STON2: variants seen among roughly 807,000 people sequenced by gnomAD.
The protein encoded by STON2 is stonin 2.
In STON2, 29 loss-of-function variants were observed where a neutral mutation model predicts 65.7. That is an observed-to-expected ratio of 0.44 (90% CI 0.33 to 0.60). The LOEUF is 0.60. STON2 is among the 20% of genes least tolerant of loss of function. STON2 has a pLI of 0.03. For synonymous variants in STON2, 404 were observed against 414.2 expected (o/e 0.98, Z 0.30); for missense variants, 1,054 against 1,118.1 (o/e 0.94, Z 0.82).
At chr14:81,347,154 A>G (rs948280623) in intron 4 of STON2, among the ~76,000 whole-genome samples, 9 of 152,082 alleles carry the variant, frequency 5.9e-5, no homozygotes, top group African/African-American at 2.2e-4. Flanking sequence ...TTGAAAAGAT[A>G]AAGAAAATTG....
At chr14:81,410,314 A>G (rs1901094630) in intron 2 of STON2, among the ~76,000 whole-genome samples, 1 of 147,630 alleles carries the variant, frequency 6.8e-6, no homozygotes, top group Non-Finnish European at 1.5e-5. Flanking sequence ...AAAACAGAAG[A>G]GATCAATGTG....
rs567933044 is a variant in STON2, at chr14:81,418,441, C to T, written c.-199+8661G>A. Among the ~76,000 whole-genome samples the T allele has an allele frequency of 2.1e-3, 326 of 152,156 alleles. 3 individuals are homozygous for T. Among genetic ancestry groups the T allele is most frequent in the African/African-American group, 7.5e-3 (311 of 41,502 alleles). On this transcript the variant is annotated intron_variant, in intron 2 of 8. Transcript: ENST00000553821. ...GACACAGCCAAACTGTATCAGAAAGCGACAAGCATTTGTAGAATAAAGTAG... is the reference window on the plus strand; with the variant it reads ...GACACAGCCAAACTGTATCAGAAAGTGACAAGCATTTGTAGAATAAAGTAG...
chr14:81,268,285 G>T lies in STON2; in HGVS notation c.*129C>A, dbSNP rs1031062594. The T allele has an allele frequency of 2.5e-6, 3 of 1,213,008 alleles. No homozygotes were observed. Among genetic ancestry groups the T allele is most frequent in the African/African-American group, 3.2e-5 (2 of 63,188 alleles). 75.1% of individuals were successfully genotyped at this position (1,213,008 alleles called of 1,614,324 possible). ...TGCAAACAGGAAGATCTGGTATACT[G>T]TTCCCAACATGCAGTGGCCACAGCA... On this transcript the variant is annotated 3_prime_UTR_variant, in exon 8 of 8. Coordinates refer to ENST00000614646, the MANE Select transcript of STON2 (RefSeq NM_001394390.1).
intron 5 of STON2, among the ~76,000 whole-genome samples, chr14:81,308,812 A>ATGTGTGTGTGTGTGTGTG (rs1896296652): frequency 2.1e-4 from 2 of 9,722 alleles, no homozygotes; most frequent in African/African-American, 8.6e-4. Flanking sequence ...ATATATATAT[A>ATGTGTGTGTGTGTGTGTG]TATATATATA....
intron 4 of STON2, among the ~76,000 whole-genome samples, chr14:81,369,059 T>C (rs1898868859): frequency 3.3e-5 from 5 of 152,130 alleles, no homozygotes; most frequent in African/African-American, 1.2e-4. Context: ...ATTTGGGAAT[T>C]TATTCCTCCC....
At chr14:81,354,138 AGGGAATGCACCCT>A (rs1365585528) in intron 4 of STON2, among the ~76,000 whole-genome samples, 1 of 152,222 alleles carries the variant, frequency 6.6e-6, no homozygotes, top group Non-Finnish European at 1.5e-5. Flanking sequence ...TCACCTGGCC[AGGGAATGCACCCT>A]GTGGCCTGGC....
chr14:81,276,381 C>A (rs184278682), intron 6 of STON2, among the ~76,000 whole-genome samples: 1 of 135,750 alleles, frequency 7.4e-6, no homozygotes, highest in Non-Finnish European at 1.7e-5. Flanking sequence ...TCTTTCCCAT[C>A]CCCCAGTCCC....
chr14:81,381,211 A>T (rs1280674692), intron 3 of STON2, among the ~76,000 whole-genome samples: 1 of 152,230 alleles, frequency 6.6e-6, no homozygotes, highest in Non-Finnish European at 1.5e-5. Flanking sequence ...TTGAATGTCA[A>T]AGTGTGAAGG....
chr14:81,370,844 G>A, intron 4 of STON2, 144 bp downstream of exon 4: 1 of 715,818 alleles, frequency 1.4e-6, no homozygotes, highest in Non-Finnish European at 2.3e-6. Context: ...GCCACTTTGG[G>A]TTCTAGCTTT....
chr14:81,270,383 C>T (rs61126178), intron 7 of STON2: 135,266 of 1,371,608 alleles, frequency 0.099, 7,010 homozygotes, highest in African/African-American at 0.11. Flanking sequence ...CTGTGCCTGG[C>T]CCCCATTATT....
intron 5 of STON2, among the ~76,000 whole-genome samples, chr14:81,287,972 G>A (rs973807196): frequency 3.3e-5 from 5 of 152,122 alleles, no homozygotes; most frequent in South Asian, 4.1e-4. Context: ...GGTCTGATAC[G>A]GCAAACACCA....
chr14:81,314,292 G>C (rs1368328827), intron 5 of STON2, among the ~76,000 whole-genome samples: 1 of 152,220 alleles, frequency 6.6e-6, no homozygotes, highest in East Asian at 1.9e-4. Flanking sequence ...GGCAGTTTCA[G>C]TGGCCACACA....
At chr14:81,311,380 G>A (rs1296298847) in intron 5 of STON2, among the ~76,000 whole-genome samples, 1 of 152,158 alleles carries the variant, frequency 6.6e-6, no homozygotes, top group African/African-American at 2.4e-5. Context: ...AGAAGCACCA[G>A]ATGTCACAAG....
intron 3 of STON2, among the ~76,000 whole-genome samples, chr14:81,373,001 T>C (rs1294854496): frequency 1.3e-5 from 2 of 152,324 alleles, no homozygotes; most frequent in East Asian, 3.9e-4. Context: ...AATGTCACCC[T>C]TTCTGCATAT....
intron 5 of STON2, among the ~76,000 whole-genome samples, chr14:81,304,347 G>T (rs978261759): frequency 6.6e-6 from 1 of 152,122 alleles, no homozygotes; most frequent in Non-Finnish European, 1.5e-5. Flanking sequence ...TGTGAGGTAG[G>T]TACTGCTCTT....
intron 5 of STON2, among the ~76,000 whole-genome samples, chr14:81,293,176 CTTTT>C (rs537387012): frequency 7.2e-6 from 1 of 138,944 alleles, no homozygotes. Context: ...TGACTTGTGT[CTTTT>C]TTTTTTTTTT....
chr14:81,368,275 A>G (rs1358734839), intron 4 of STON2, among the ~76,000 whole-genome samples: 1 of 152,102 alleles, frequency 6.6e-6, no homozygotes, highest in East Asian at 1.9e-4. Context: ...AAGTTGCTTC[A>G]CCTTTCTCAG....
intron 5 of STON2, among the ~76,000 whole-genome samples, chr14:81,281,890 T>C (rs8010611): frequency 0.19 from 28,374 of 152,196 alleles, 3,451 homozygotes; most frequent in Non-Finnish European, 0.28. Flanking sequence ...CATTAAAAAA[T>C]ATCAAAAGAC....
chr14:81,329,454 C>CAAA (rs56370265), intron 4 of STON2, among the ~76,000 whole-genome samples: 2 of 118,502 alleles, frequency 1.7e-5, no homozygotes, highest in African/African-American at 3.0e-5. Context: ...GACTCTGTCT[C>CAAA]AAAAAAAAAA....
Sources: gnomAD v4.1 joint callset for allele counts (sites outside exome capture counted in the v4.1 genomes callset) on GRCh38, gnomAD v4.1.1 for gene constraint, MANE v1.5 for transcripts, NCBI Gene and HGNC (gene_info 2026-07-23, HGNC 2026-07-21) for gene names.